PPFIBP1: variants seen among roughly 807,000 people sequenced by gnomAD.
PPFIBP1 encodes PPFIB scaffold protein 1.
A neutral mutation model predicts 137.8 loss-of-function variants in PPFIBP1; 112 were observed. That is an observed-to-expected ratio of 0.81 (90% confidence interval 0.70 to 0.95). The LOEUF (loss-of-function observed/expected upper bound fraction) is 0.95, where lower values mean the gene tolerates loss of function less well. Ranked by LOEUF, PPFIBP1 falls within the 40% of genes least tolerant of loss-of-function variation. PPFIBP1 has a pLI of 0.00. For synonymous variants in PPFIBP1, 378 were observed against 417.3 expected (o/e 0.91, Z 1.15); for missense variants, 1,083 against 1,196.6 (o/e 0.91, Z 1.40).
intron 1 of PPFIBP1, among the ~76,000 whole-genome samples, chr12:27,560,921 C>T (rs1405432217): frequency 2.0e-5 from 2 of 101,324 alleles, no homozygotes; most frequent in African/African-American, 7.6e-5. Context: ...AAATAATCAC[C>T]TCACCTGAAG....
intron 1 of PPFIBP1, among the ~76,000 whole-genome samples, chr12:27,542,230 G>A (rs577871775): frequency 1.3e-5 from 2 of 152,232 alleles, no homozygotes; most frequent in East Asian, 1.9e-4. Flanking sequence ...TAGCATTTAC[G>A]TTGTATTAGG....
At chr12:27,582,194 A>G (rs957397908) in intron 2 of PPFIBP1, among the ~76,000 whole-genome samples, 8 of 152,056 alleles carry the variant, frequency 5.3e-5, no homozygotes, top group African/African-American at 1.9e-4. Flanking sequence ...ACATTTAGCA[A>G]ATGATCAAAT....
In PPFIBP1 at chr12:27,691,746, A is replaced by G; in HGVS notation, c.2686-3A>G. The G allele has an allele frequency of 6.2e-7, 1 of 1,602,606 alleles. No homozygotes were observed. Among genetic ancestry groups the G allele is most frequent in the South Asian group, 1.1e-5 (1 of 88,944 alleles). On this transcript the variant is annotated splice_region_variant and splice_polypyrimidine_tract_variant and intron_variant, in intron 27 of 29. Coordinates refer to ENST00000228425, the MANE Select transcript of PPFIBP1 (RefSeq NM_003622.4). ...GATGTTTTTGTTTGCTTTTCTTTTA[A>G]AGCCAAAGAAACTTGCCTTTAGCAA...
intron 1 of PPFIBP1, among the ~76,000 whole-genome samples, chr12:27,557,465 G>A (rs1359092780): frequency 6.6e-6 from 1 of 152,018 alleles, no homozygotes; most frequent in East Asian, 1.9e-4. Context: ...TCAATCTCCT[G>A]ACCTCGTGAT....
intron 27 of PPFIBP1, among the ~76,000 whole-genome samples, chr12:27,689,613 C>A (rs2061404722): frequency 6.6e-6 from 1 of 152,104 alleles, no homozygotes; most frequent in African/African-American, 2.4e-5. Context: ...CCAGTTTTTT[C>A]TTGAAGCTCT....
intron 1 of PPFIBP1, among the ~76,000 whole-genome samples, chr12:27,564,347 A>G (rs959154528): frequency 6.6e-6 from 1 of 152,230 alleles, no homozygotes; most frequent in Non-Finnish European, 1.5e-5. Flanking sequence ...TTTGAAAGGG[A>G]GTCAAGTGTG....
chr12:27,621,607 C>T (rs117152234), intron 2 of PPFIBP1, among the ~76,000 whole-genome samples: 3,859 of 152,190 alleles, frequency 0.025, 72 homozygotes, highest in Middle Eastern at 0.085. Flanking sequence ...GCCAGGAGCA[C>T]GTATGCTATA....
At chr12:27,611,574 C>T (rs953331782) in intron 2 of PPFIBP1, among the ~76,000 whole-genome samples, 8 of 152,312 alleles carry the variant, frequency 5.3e-5, no homozygotes, top group Admixed American at 2.6e-4. Flanking sequence ...TTAAACACAT[C>T]ACATCATCCG....
At chr12:27,611,268 T>G (rs1273496135) in intron 2 of PPFIBP1, among the ~76,000 whole-genome samples, 2 of 152,182 alleles carry the variant, frequency 1.3e-5, no homozygotes, top group Non-Finnish European at 2.9e-5. Context: ...TTCTGGATGC[T>G]GAAAGTATTG....
intron 27 of PPFIBP1, among the ~76,000 whole-genome samples, chr12:27,690,943 A>G (rs2061496358): frequency 6.6e-6 from 1 of 151,860 alleles, no homozygotes; most frequent in African/African-American, 2.4e-5. Context: ...TAAATATGTT[A>G]TCCCAACCAA....
chr12:27,543,125 TA>T (rs370892535), intron 1 of PPFIBP1, among the ~76,000 whole-genome samples: 1 of 151,994 alleles, frequency 6.6e-6, no homozygotes, highest in Non-Finnish European at 1.5e-5. Flanking sequence ...TTCAACCACA[TA>T]AAAAAAACTC....
chr12:27,625,916 C>CT (rs1392025881), intron 2 of PPFIBP1, among the ~76,000 whole-genome samples: 10 of 152,044 alleles, frequency 6.6e-5, no homozygotes, highest in Non-Finnish European at 1.0e-4. Context: ...TCAGGAGGGG[C>CT]TAAGGTGGGA....
At chr12:27,529,817 C>G (rs1431790048) in intron 1 of PPFIBP1, among the ~76,000 whole-genome samples, 1 of 152,174 alleles carries the variant, frequency 6.6e-6, no homozygotes, top group Non-Finnish European at 1.5e-5. Flanking sequence ...CTAGGTAGGC[C>G]CATTGGGAAG....
intron 1 of PPFIBP1, among the ~76,000 whole-genome samples, chr12:27,559,638 G>A (rs923257433): frequency 8.5e-5 from 13 of 152,118 alleles, no homozygotes; most frequent in Non-Finnish European, 1.5e-4. Flanking sequence ...GGGAAAAAAC[G>A]CCAACCCAAT....
chr12:27,644,243 A>AGTT (rs2058313124), intron 4 of PPFIBP1, among the ~76,000 whole-genome samples: 3 of 50,862 alleles, frequency 5.9e-5, no homozygotes, highest in Non-Finnish European at 1.1e-4. Context: ...AGCTTGGCTA[A>AGTT]GTTTTTTTTT....
intron 1 of PPFIBP1, among the ~76,000 whole-genome samples, chr12:27,531,997 T>C (rs1264575024): frequency 6.6e-6 from 1 of 152,168 alleles, no homozygotes; most frequent in Non-Finnish European, 1.5e-5. Flanking sequence ...TTTGGTTAAG[T>C]CTTCTGTGAA....
intron 24 of PPFIBP1, among the ~76,000 whole-genome samples, 166 bp downstream of exon 24, chr12:27,682,869 G>C (rs1039280224): frequency 6.6e-6 from 1 of 152,168 alleles, no homozygotes; most frequent in Non-Finnish European, 1.5e-5. Flanking sequence ...GGCTGAAGTT[G>C]TAGCATTTGG....
At chr12:27,585,671 G>A (rs10771349) in intron 2 of PPFIBP1, among the ~76,000 whole-genome samples, 127,043 of 152,152 alleles carry the variant, frequency 0.83, 53,221 homozygotes, top group Middle Eastern at 0.93. Context: ...CACTAACTAC[G>A]GGTAAAAGTG....
chr12:27,574,836 A>G (rs1311433759), intron 1 of PPFIBP1, among the ~76,000 whole-genome samples: 2 of 152,218 alleles, frequency 1.3e-5, no homozygotes, highest in African/African-American at 4.8e-5. Flanking sequence ...AGAAGGTGGA[A>G]ATAATTTACT....
Sources: gnomAD v4.1 joint callset for allele counts (sites outside exome capture counted in the v4.1 genomes callset) on GRCh38, gnomAD v4.1.1 for gene constraint, MANE v1.5 for transcripts, NCBI Gene and HGNC (gene_info 2026-07-23, HGNC 2026-07-21) for gene names.